Variants in SESTD1 observed in about 807,000 individuals in gnomAD.
SESTD1 encodes the protein SEC14 domain and spectrin repeat-containing protein 1.
SESTD1 carries 43 observed loss-of-function variants against 101.7 expected under a neutral mutation model. The observed-to-expected ratio is 0.42, with a 90% CI of 0.33 to 0.55. The LOEUF (loss-of-function observed/expected upper bound fraction) is 0.55, where lower values mean the gene tolerates loss of function less well. Among genes scored for constraint, SESTD1 ranks in the 20% least tolerant of loss-of-function variants. The probability of loss-of-function intolerance (pLI) is 0.07; values close to 1 mark genes in which losing one functional copy is unlikely to be tolerated. For missense variants in SESTD1, 647 were observed against 815.1 expected (o/e 0.79, Z 2.51); for synonymous variants, 283 against 286.8 (o/e 0.99, Z 0.13).
intron 17 of SESTD1, 98 bp downstream of exon 17, chr2:179,112,626 A>G (rs2044533930): frequency 3.5e-6 from 5 of 1,411,228 alleles, no homozygotes; most frequent in Non-Finnish European, 4.7e-6. Context: ...GACCAAACCT[A>G]ATTTACTTGG....
At chr2:179,155,206 G>A (rs892492657) in intron 5 of SESTD1, among the ~76,000 whole-genome samples, 8 of 151,966 alleles carry the variant, frequency 5.3e-5, no homozygotes, top group Admixed American at 1.3e-4. Flanking sequence ...GTGAGCCATC[G>A]CATCCGGCCC....
chr2:179,182,226 T>C (rs2046125704), intron 3 of SESTD1, among the ~76,000 whole-genome samples: 1 of 152,036 alleles, frequency 6.6e-6, no homozygotes, highest in East Asian at 1.9e-4. Context: ...GATAGTCGTG[T>C]TCCTTTTTCT....
At chr2:179,194,897 C>T (rs1354001217) in intron 1 of SESTD1, among the ~76,000 whole-genome samples, 1 of 152,194 alleles carries the variant, frequency 6.6e-6, no homozygotes, top group African/African-American at 2.4e-5. Context: ...CATCCCCATA[C>T]ATCAGACATG....
chr2:179,161,223 T>C (rs1195193436), intron 5 of SESTD1, among the ~76,000 whole-genome samples: 1 of 151,964 alleles, frequency 6.6e-6, no homozygotes, highest in African/African-American at 2.4e-5. Flanking sequence ...CTCCTGGCCT[T>C]AAATAACATA....
chr2:179,252,039 C>T (rs1259853869), intron 1 of SESTD1, among the ~76,000 whole-genome samples: 1 of 152,164 alleles, frequency 6.6e-6, no homozygotes, highest in African/African-American at 2.4e-5. Context: ...CAAAGTATTA[C>T]AGAGAAGAGC....
At chr2:179,214,109 G>T (rs1344915627) in intron 1 of SESTD1, among the ~76,000 whole-genome samples, 1 of 134,324 alleles carries the variant, frequency 7.4e-6, no homozygotes, top group East Asian at 2.0e-4. Context: ...CATAATGACA[G>T]GATCAAATTC....
intron 7 of SESTD1, among the ~76,000 whole-genome samples, chr2:179,149,059 C>CAAAAAAAA (rs66636048): frequency 3.0e-4 from 18 of 60,414 alleles, no homozygotes; most frequent in African/African-American, 5.7e-4. Flanking sequence ...GACTCCGTCT[C>CAAAAAAAA]AAAAAAAAAA....
rs768182505 is a variant in SESTD1, at chr2:179,101,832, T to C, written c.*8067A>G. The C allele has an allele frequency of 1.3e-5, 2 of 152,300 alleles. No individual in the cohort carries two copies. The highest frequency in any genetic ancestry group is 6.5e-5 in the Admixed American group (1 of 15,284). 9.4% of individuals were successfully genotyped at this position (152,300 alleles called of 1,614,324 possible). On this transcript the variant is annotated 3_prime_UTR_variant, in exon 18 of 18. Coordinates refer to ENST00000428443, the MANE Select transcript of SESTD1 (RefSeq NM_178123.5). ...GATACTCTAACATGTAAAGTAAACATGTCCATTAATAACAAATGTACAATG... is the reference window on the plus strand; with the variant it reads ...GATACTCTAACATGTAAAGTAAACACGTCCATTAATAACAAATGTACAATG...
chr2:179,232,469 T>C (rs2047001750), intron 1 of SESTD1, among the ~76,000 whole-genome samples: 1 of 151,446 alleles, frequency 6.6e-6, no homozygotes, highest in Non-Finnish European at 1.5e-5. Context: ...ACAAGGTTAA[T>C]CCAGAAAAAA....
At chr2:179,114,379 C>G (rs1331049909) in intron 16 of SESTD1, among the ~76,000 whole-genome samples, 1 of 152,088 alleles carries the variant, frequency 6.6e-6, no homozygotes, top group Admixed American at 6.5e-5. Context: ...TACATATAAA[C>G]TTTTATTGTA....
chr2:179,143,905 C>G, intron 8 of SESTD1, 102 bp from the exon 9 acceptor site: 2 of 1,165,722 alleles, frequency 1.7e-6, no homozygotes, highest in Non-Finnish European at 2.4e-6. Context: ...AACCTATCTA[C>G]CTACATATCT....
chr2:179,160,540 T>C (rs987865594), intron 5 of SESTD1, among the ~76,000 whole-genome samples: 2 of 151,954 alleles, frequency 1.3e-5, no homozygotes, highest in Non-Finnish European at 2.9e-5. Flanking sequence ...TAAATATTTA[T>C]TGACATTGTC....
chr2:179,151,178 AAG>A, intron 6 of SESTD1, 98 bp downstream of exon 6: 1 of 788,950 alleles, frequency 1.3e-6, no homozygotes, highest in Non-Finnish European at 1.8e-6. Context: ...TTTTTGTAAA[AAG>A]AAAAATAATC....
rs372492783 is a variant in SESTD1, at chr2:179,182,116, G to T, written c.164+964C>A. Among the ~76,000 whole-genome samples the T allele has an allele frequency of 2.5e-4, 38 of 151,998 alleles. No individual in the cohort carries two copies. The East Asian group carries it at 7.1e-3, about 29-fold the overall frequency. ...GTGGTTTAAATGGAAAAAAGCTATT[G>T]TGTCAATAAAATGCAAATACAGGAA... is the stretch of plus-strand genomic sequence containing the variant. On this transcript the variant is annotated intron_variant, in intron 3 of 17. Coordinates refer to ENST00000428443, the MANE Select transcript of SESTD1 (RefSeq NM_178123.5).
chr2:179,181,697 G>A (rs903798307), intron 3 of SESTD1, among the ~76,000 whole-genome samples: 3 of 152,090 alleles, frequency 2.0e-5, no homozygotes, highest in African/African-American at 7.2e-5. Context: ...TACAAAATAA[G>A]GCACTTGGCT....
intron 13 of SESTD1, 150 bp downstream of exon 13, chr2:179,121,620 T>C: frequency 2.0e-6 from 1 of 502,882 alleles, no homozygotes; most frequent in Non-Finnish European, 3.2e-6. Flanking sequence ...TAAAATTATA[T>C]ACAGTAATTA....
chr2:179,166,649 C>G (rs779512718), intron 5 of SESTD1, among the ~76,000 whole-genome samples: 4 of 152,158 alleles, frequency 2.6e-5, no homozygotes, highest in Non-Finnish European at 5.9e-5. Flanking sequence ...TAACAAGGAA[C>G]AGCAGCCTAT....
chr2:179,258,661 A>T (rs1006593117), intron 1 of SESTD1, among the ~76,000 whole-genome samples: 1 of 152,164 alleles, frequency 6.6e-6, no homozygotes, highest in Non-Finnish European at 1.5e-5. Context: ...CTCAGCTCTC[A>T]CACACACATG....
At position 179,170,363 on chromosome 2, in the gene SESTD1, ACT is replaced by A. The variant is rs575405106; in HGVS notation, c.369+1755_369+1756del. ...GACTTCTATACAAAATACATAAAAA[ACT>A]CTCAAAATCCAGTAACAAAAAAGAC... On this transcript the variant is annotated intron_variant, in intron 5 of 17. Transcript: ENST00000428443. 6.1e-4 allele frequency among the ~76,000 whole-genome samples: 93 copies of A among 152,152 alleles called. No homozygotes were observed. The Middle Eastern group carries it at 0.01, about 17-fold the overall frequency.
Sources: gnomAD v4.1 joint callset for allele counts (sites outside exome capture counted in the v4.1 genomes callset) on GRCh38, gnomAD v4.1.1 for gene constraint, MANE v1.5 for transcripts, NCBI Gene and HGNC (gene_info 2026-07-23, HGNC 2026-07-21) for gene names.